The following RBFOX1 variants were observed in gnomAD, a reference collection of about 807,000 sequenced individuals.
The protein encoded by RBFOX1 is RNA binding protein fox-1 homolog 1.
A neutral mutation model predicts 57.7 loss-of-function variants in RBFOX1; 8 were observed. The ratio of observed to expected loss-of-function variants is 0.14; its 90% confidence interval spans 0.08 to 0.25. RBFOX1 has a LOEUF of 0.25. Among genes scored for constraint, RBFOX1 ranks in the 10% least tolerant of loss-of-function variants. RBFOX1 has a pLI of 1.00. For synonymous variants in RBFOX1, 326 were observed against 222.4 expected (o/e 1.47, Z -4.15); for missense variants, 611 against 548.5 (o/e 1.11, Z -1.14).
At chr16:5,366,364 C>T in intron 1 of RBFOX1, 1 of 373,512 alleles carries the variant, frequency 2.7e-6, no homozygotes, top group South Asian at 2.3e-5. Flanking sequence ...AATGAGAAAA[C>T]TGAAGAAAAG....
At chr16:6,899,019 C>CCG (rs59056535) in intron 3 of RBFOX1, among the ~76,000 whole-genome samples, 37 of 150,370 alleles carry the variant, frequency 2.5e-4, no homozygotes, top group South Asian at 6.3e-4. Context: ...ATGCGCGTCT[C>CCG]TGTGTGTGTG....
At chr16:6,023,133 C>A (rs567458426) in intron 1 of RBFOX1, among the ~76,000 whole-genome samples, 34 of 152,186 alleles carry the variant, frequency 2.2e-4, no homozygotes, top group African/African-American at 7.2e-4. Flanking sequence ...GTCCGTAGAA[C>A]GTACAGTTTT....
Position 6,973,407 on chromosome 16 carries a change from C to T in RBFOX1, c.-15-78650C>T, listed in dbSNP as rs372008199. ...CTATAAGAGATAATAACACATCAGT[C>T]AATCAGGAAGCATTCTTCCCAGTGA... On this transcript the variant is annotated intron_variant, in intron 3 of 15. Transcript: ENST00000550418. Among the ~76,000 whole-genome samples, 77 of 152,260 alleles carry T rather than the reference C, an allele frequency of 5.1e-4. 4 individuals are homozygous for T. Among genetic ancestry groups the T allele is most frequent in the Middle Eastern group, 6.8e-3 (2 of 292 alleles).
intron 2 of RBFOX1, among the ~76,000 whole-genome samples, chr16:6,618,039 CTT>C (rs1007112053): frequency 1.3e-5 from 2 of 152,170 alleles, no homozygotes; most frequent in Non-Finnish European, 2.9e-5. Context: ...GCATGCAAGA[CTT>C]TGCTCAAATG....
chr16:6,270,193 A>T (rs201165020), intron 1 of RBFOX1, among the ~76,000 whole-genome samples: 2 of 37,126 alleles, frequency 5.4e-5, no homozygotes, highest in East Asian at 0.026. Flanking sequence ...AAGAACAAAT[A>T]AAAAAAAAAG....
intron 1 of RBFOX1, among the ~76,000 whole-genome samples, chr16:6,174,340 A>T (rs1412930660): frequency 1.3e-5 from 2 of 152,210 alleles, no homozygotes; most frequent in African/African-American, 4.8e-5. Flanking sequence ...CATGCCTGTC[A>T]TCTGAACACT....
intron 1 of RBFOX1, among the ~76,000 whole-genome samples, chr16:6,230,073 A>G (rs866474475): frequency 1.2e-4 from 19 of 152,262 alleles, no homozygotes; most frequent in South Asian, 2.1e-4. Context: ...AATAATGGAA[A>G]ATTGTAGATA....
Position 7,682,265 on chromosome 16 carries a change from A to T in RBFOX1, c.995+5427A>T, listed in dbSNP as rs550787910. Among the ~76,000 whole-genome samples, 3 of 152,266 alleles carry T rather than the reference A, an allele frequency of 2.0e-5. 1 individual carries two copies. The South Asian group carries it at 6.2e-4, about 32-fold the overall frequency. On this transcript the variant is annotated intron_variant, in intron 14 of 15. Transcript: ENST00000550418. ...TTTATTTACATTTGCAGTCTCTGAG[A>T]AATCTGTTGGAAAAATATAGTGAGA... is the stretch of plus-strand genomic sequence containing the variant.
chr16:6,043,021 G>A (rs2095455080), intron 1 of RBFOX1, among the ~76,000 whole-genome samples: 1 of 150,228 alleles, frequency 6.7e-6, no homozygotes, highest in Non-Finnish European at 1.5e-5. Flanking sequence ...GGAGGCTAAG[G>A]CACCAAGAAT....
chr16:5,621,791 T>A (rs7202041), intron 3 of RBFOX1, among the ~76,000 whole-genome samples: 42,624 of 152,058 alleles, frequency 0.28, 10,621 homozygotes, highest in African/African-American at 0.66. Flanking sequence ...ATCATGTGGG[T>A]ACTGTATTTG....
chr16:6,859,042 T>C (rs1224765902), intron 3 of RBFOX1, among the ~76,000 whole-genome samples: 1 of 149,028 alleles, frequency 6.7e-6, no homozygotes, highest in African/African-American at 2.5e-5. Context: ...GTGCCAGGAC[T>C]GAGGCTGGAA....
At chr16:5,708,604 G>T (rs2051338631) in intron 3 of RBFOX1, among the ~76,000 whole-genome samples, 1 of 152,252 alleles carries the variant, frequency 6.6e-6, no homozygotes, top group African/African-American at 2.4e-5. Flanking sequence ...GTGTCTTCCA[G>T]TTTCCAGGAG....
At chr16:7,064,795 T>C (rs2153751378) in intron 4 of RBFOX1, among the ~76,000 whole-genome samples, 1 of 152,324 alleles carries the variant, frequency 6.6e-6, no homozygotes, top group Non-Finnish European at 1.5e-5. Context: ...CCGAACTTGA[T>C]AGTTCATCCT....
intron 1 of RBFOX1, among the ~76,000 whole-genome samples, chr16:5,394,066 C>G (rs1422497562): frequency 6.6e-6 from 1 of 152,004 alleles, no homozygotes; most frequent in African/African-American, 2.4e-5. Flanking sequence ...CTCTGTTGCC[C>G]ATGTTGGAGT....
intron 4 of RBFOX1, among the ~76,000 whole-genome samples, chr16:7,086,751 TG>T (rs1162417287): frequency 3.8e-5 from 1 of 26,246 alleles, no homozygotes; most frequent in Non-Finnish European, 6.9e-5. Flanking sequence ...CTTTAAAATT[TG>T]GTCTTCTAAT....
intron 2 of RBFOX1, among the ~76,000 whole-genome samples, chr16:6,580,774 C>T (rs1014244726): frequency 6.6e-6 from 1 of 152,106 alleles, no homozygotes; most frequent in Non-Finnish European, 1.5e-5. Flanking sequence ...GCTAATGAAG[C>T]CCTGGAGTTT....
chr16:6,220,123 C>G lies in RBFOX1; in HGVS notation c.-126-96872C>G, dbSNP rs535086515. On this transcript the variant is annotated intron_variant, in intron 1 of 15. Coordinates refer to ENST00000550418, the MANE Select transcript of RBFOX1 (RefSeq NM_018723.4). ...ATATATAAGGGTATTTATCATTTAT[C>G]TGTATATCATCTATCTCGATATAGG... is the stretch of plus-strand genomic sequence containing the variant. Among the ~76,000 whole-genome samples the G allele has an allele frequency of 3.0e-4, 46 of 151,878 alleles. 1 individual carries two copies. The South Asian group carries it at 9.0e-3, about 30-fold the overall frequency.
intron 11 of RBFOX1, among the ~76,000 whole-genome samples, chr16:7,650,016 A>AGGAAGGAGGGAAGACG (rs1555715938): frequency 2.9e-5 from 1 of 34,524 alleles, no homozygotes; most frequent in East Asian, 2.2e-3. Context: ...GAGGGAAGAC[A>AGGAAGGAGGGAAGACG]AAAGGAAGAA....
chr16:7,421,117 G>T (rs1220740458), intron 4 of RBFOX1, among the ~76,000 whole-genome samples: 2 of 152,020 alleles, frequency 1.3e-5, no homozygotes, highest in Admixed American at 6.6e-5. Flanking sequence ...CTTGCTACAG[G>T]TTGGGCCAAG....
Sources: allele counts gnomAD v4.1 joint callset (sites outside exome capture counted in the v4.1 genomes callset), GRCh38; gene constraint gnomAD v4.1.1; transcripts MANE v1.5; gene names NCBI Gene and HGNC (gene_info 2026-07-23, HGNC 2026-07-21).